The following SUZ12 variants were observed in gnomAD, a reference collection of about 807,000 sequenced individuals.
SUZ12 encodes SUZ12 polycomb repressive complex 2 subunit.
SUZ12 carries 17 observed loss-of-function variants against 87.3 expected under a neutral mutation model. The observed-to-expected ratio is 0.19, with a 90% confidence interval of 0.13 to 0.29. SUZ12 has a LOEUF of 0.29. Ranked by LOEUF, SUZ12 falls within the 10% of genes least tolerant of loss-of-function variation. The probability of loss-of-function intolerance (pLI) is 1.00; values close to 1 mark genes in which losing one functional copy is unlikely to be tolerated. For missense variants in SUZ12, 526 were observed against 912.2 expected, an observed-to-expected ratio of 0.58 and a Z score of 5.45; for synonymous variants, 253 against 312.4, an observed-to-expected ratio of 0.81 and a Z score of 2.01.
chr17:31,960,703 G>A (rs571972565), intron 4 of SUZ12, among the ~76,000 whole-genome samples: 11 of 151,906 alleles, frequency 7.2e-5, no homozygotes, highest in African/African-American at 2.4e-4. Flanking sequence ...TCAGCCTCCC[G>A]AGTAACTGGG....
Position 32,000,962 on chromosome 17 carries a change from A to C in SUZ12, c.*1959A>C, listed in dbSNP as rs1910227097. On this transcript the variant is annotated 3_prime_UTR_variant, in exon 16 of 16. Transcript: ENST00000322652. Reference sequence around the variant, plus strand: ...AGATGTAAAAAAAATTCAGTTTAAAAGAACATTTGTTTTTACATTAAATGT... The same window carrying C: ...AGATGTAAAAAAAATTCAGTTTAAACGAACATTTGTTTTTACATTAAATGT... 4.6e-6 allele frequency: 1 copy of C among 217,784 alleles called. No individual in the cohort carries two copies. Among genetic ancestry groups the C allele is most frequent in the Non-Finnish European group, 9.2e-6 (1 of 108,290 alleles). The allele number at this position is 217,784 out of a possible 1,614,324, so 13.5% of individuals were successfully genotyped here.
At position 31,994,008 on chromosome 17, in the gene SUZ12, TGTGA is replaced by T; in HGVS notation, c.1437+3_1437+6del. ...ATAGCAGATTTATCTTCAACTATGT[TGTGA>T]GTAATTTTTCATATTTTCTCAATTT... On this transcript the variant is annotated splice_donor_variant and splice_donor_region_variant and intron_variant, in intron 12 of 15. Coordinates refer to ENST00000322652, the MANE Select transcript of SUZ12 (RefSeq NM_015355.4). LOFTEE classifies it high-confidence loss of function. 6.2e-7 allele frequency: 1 copy of T among 1,610,218 alleles called. No individual in the cohort carries two copies. The highest frequency in any genetic ancestry group is 8.5e-7 in the Non-Finnish European group (1 of 1,179,010).
intron 4 of SUZ12, among the ~76,000 whole-genome samples, chr17:31,964,294 G>T (rs992117982): frequency 1.3e-5 from 2 of 151,430 alleles, no homozygotes; most frequent in African/African-American, 4.9e-5. Context: ...CAAAATGCTG[G>T]GATTACAGTT....
In SUZ12 at chr17:31,983,113, T is replaced by C; in HGVS notation, c.1023+9T>C. 2.5e-6 allele frequency: 4 copies of C among 1,611,542 alleles called. No individual in the cohort carries two copies. The South Asian group carries it at 4.4e-5, about 18-fold the overall frequency. ...CTATTCTTGATGGGAAGGTATGGAC[T>C]ACTTAGAAGGTTGAGCACGTTATAG... On this transcript the variant is annotated intron_variant, in intron 9 of 15. Transcript: ENST00000322652.
chr17:31,938,016 C>T (rs1906043433), intron 1 of SUZ12, among the ~76,000 whole-genome samples: 2 of 150,056 alleles, frequency 1.3e-5, no homozygotes, highest in South Asian at 4.2e-4. Flanking sequence ...GTTCCTATGG[C>T]ACCTTTGGAT....
chr17:31,961,946 T>C (rs180851122), intron 4 of SUZ12, among the ~76,000 whole-genome samples: 2 of 152,282 alleles, frequency 1.3e-5, no homozygotes, highest in East Asian at 3.9e-4. Flanking sequence ...TGAAAAAAAT[T>C]TGTTGGGTCA....
chr17:31,958,707 G>T (rs539404843), intron 4 of SUZ12, among the ~76,000 whole-genome samples: 3 of 152,112 alleles, frequency 2.0e-5, no homozygotes, highest in East Asian at 1.9e-4. Context: ...TTAGCTGGGC[G>T]TGGTGGCATG....
rs1194002767 is a variant in SUZ12, at chr17:31,995,613, G to A, written c.1645G>A (p.Gly549Arg). The A allele has an allele frequency of 1.2e-6, 2 of 1,613,900 alleles. No individual in the cohort carries two copies. The highest frequency in any genetic ancestry group is 2.7e-5 in the African/African-American group (2 of 74,916). ...SMSEFLESED[G>R]EVEQQRTYSS... Reference sequence around the variant, plus strand: ...GTCTGAATTTCTTGAATCTGAAGATGGGGAAGTAGAACAGCAAAGAACATA... The same window carrying A: ...GTCTGAATTTCTTGAATCTGAAGATAGGGAAGTAGAACAGCAAAGAACATA... The change falls in exon 14 of 16, where the codon GGG becomes AGG. Residue 549 changes from glycine to arginine, a missense_variant. Physicochemically the swap from Gly to Arg is moderately radical, Grantham distance 125 (BLOSUM62 -2). Around this residue, in one of 9 missense-constraint regions of SUZ12, gnomAD observed 143 missense variants for 321.6 expected, o/e 0.44. Coordinates refer to ENST00000322652, the MANE Select transcript of SUZ12 (RefSeq NM_015355.4).
chr17:31,998,602 T>C, intron 15 of SUZ12, 56 bp from the exon 16 acceptor site: 1 of 1,266,056 alleles, frequency 7.9e-7, no homozygotes, highest in Non-Finnish European at 1.1e-6. Flanking sequence ...GTTATCACTG[T>C]TGCATTTGAC....
At chr17:31,975,904 CCTAT>C (rs1360395448) in intron 7 of SUZ12, among the ~76,000 whole-genome samples, 191 bp downstream of exon 7, 1 of 152,148 alleles carries the variant, frequency 6.6e-6, no homozygotes, top group Non-Finnish European at 1.5e-5. Context: ...ATAGTGAACA[CCTAT>C]CTACTTACCT....
chr17:31,969,442 G>A (rs1181509317), intron 5 of SUZ12, among the ~76,000 whole-genome samples: 2 of 150,620 alleles, frequency 1.3e-5, no homozygotes, highest in East Asian at 2.0e-4. Flanking sequence ...ATGAGCCACC[G>A]AGCCCAGCCC....
At chr17:31,956,460 A>G (rs1907343139) in intron 4 of SUZ12, among the ~76,000 whole-genome samples, 2 of 152,184 alleles carry the variant, frequency 1.3e-5, no homozygotes. Context: ...AACTGCTGGG[A>G]TTACAGGCAT....
chr17:31,997,666 C>CAAAAA (rs892389046), intron 15 of SUZ12, among the ~76,000 whole-genome samples: 15 of 70,396 alleles, frequency 2.1e-4, no homozygotes, highest in South Asian at 5.4e-4. Context: ...ACCCTATCTC[C>CAAAAA]AAAAAAAAAA....
chr17:31,948,237 A>G (rs78652472), intron 4 of SUZ12, among the ~76,000 whole-genome samples: 1 of 151,684 alleles, frequency 6.6e-6, no homozygotes, highest in South Asian at 2.1e-4. Flanking sequence ...ACATTATCAA[A>G]TATATACCTA....
At chr17:31,977,496 T>C (rs1283941348) in intron 8 of SUZ12, among the ~76,000 whole-genome samples, 1 of 152,074 alleles carries the variant, frequency 6.6e-6, no homozygotes, top group Non-Finnish European at 1.5e-5. Context: ...GCCAGAATGG[T>C]GTCGGTCTCC....
intron 3 of SUZ12, among the ~76,000 whole-genome samples, chr17:31,943,204 C>G (rs1385621841): frequency 6.6e-6 from 1 of 152,136 alleles, no homozygotes; most frequent in Non-Finnish European, 1.5e-5. Flanking sequence ...TTTTGTCCAC[C>G]CTTTACCTGT....
At chr17:31,974,884 C>G (rs1908652655) in intron 6 of SUZ12, among the ~76,000 whole-genome samples, 1 of 152,018 alleles carries the variant, frequency 6.6e-6, no homozygotes, top group African/African-American at 2.4e-5. Flanking sequence ...CATACAATAA[C>G]AGAATATTAC....
intron 8 of SUZ12, among the ~76,000 whole-genome samples, chr17:31,977,745 C>T (rs1283879167): frequency 2.0e-5 from 3 of 152,028 alleles, no homozygotes; most frequent in African/African-American, 7.2e-5. Flanking sequence ...AAAAATTAGC[C>T]AGGCACGGTG....
intron 10 of SUZ12, among the ~76,000 whole-genome samples, chr17:31,989,935 A>G (rs1284329526): frequency 6.7e-6 from 1 of 150,206 alleles, no homozygotes; most frequent in Non-Finnish European, 1.5e-5. Context: ...TATAACTCAC[A>G]TATAAGTTTT....
Sources: allele counts gnomAD v4.1 joint callset (sites outside exome capture counted in the v4.1 genomes callset), GRCh38; gene constraint gnomAD v4.1.1; regional missense constraint gnomAD v4.1.1; transcripts MANE v1.5; gene names NCBI Gene and HGNC (gene_info 2026-07-23, HGNC 2026-07-21).